Variants in SENP7 observed in about 807,000 individuals in gnomAD.
SENP7 encodes the protein SUMO specific peptidase 7, also known as sentrin-specific protease 7.
Under a neutral mutation model 141.2 loss-of-function variants are expected in SENP7, and 64 were observed. The observed-to-expected ratio is 0.45, with a 90% CI of 0.37 to 0.56. The LOEUF is 0.56. Ranked by LOEUF, SENP7 falls within the 20% of genes least tolerant of loss-of-function variation. SENP7 has a pLI of 0.00. For synonymous variants in SENP7, 382 were observed against 426.4 expected, an observed-to-expected ratio of 0.90 and a Z score of 1.28; for missense variants, 1,025 against 1,212.2, an observed-to-expected ratio of 0.85 and a Z score of 2.29.
chr3:101,385,273 A>G (rs149310090), intron 6 of SENP7, among the ~76,000 whole-genome samples: 6 of 152,270 alleles, frequency 3.9e-5, no homozygotes, highest in Non-Finnish European at 7.4e-5. Flanking sequence ...AATGAAGTGA[A>G]CACACCCCAC....
chr3:101,417,371 G>A (rs565806408), intron 5 of SENP7, among the ~76,000 whole-genome samples: 10 of 152,020 alleles, frequency 6.6e-5, no homozygotes, highest in African/African-American at 1.4e-4. Flanking sequence ...AATGATACTC[G>A]TTTTTAAATA....
At chr3:101,466,643 T>C (rs1211073411) in intron 3 of SENP7, among the ~76,000 whole-genome samples, 1 of 152,098 alleles carries the variant, frequency 6.6e-6, no homozygotes, top group Non-Finnish European at 1.5e-5. Flanking sequence ...AACTCAATAG[T>C]AGAGCAGACA....
Position 101,339,758 on chromosome 3 carries a change from C to G in SENP7, c.2357+337G>C, listed in dbSNP as rs535523952. ...AGATACAACAGATATCTCAATAGAG[C>G]TGCTGTTTTTTAGTTCCCAAAATGA... On this transcript the variant is annotated intron_variant, in intron 16 of 23. Coordinates refer to ENST00000394095, the MANE Select transcript of SENP7 (RefSeq NM_020654.5). 2.6e-5 allele frequency among the ~76,000 whole-genome samples: 4 copies of G among 152,050 alleles called. No homozygotes were observed. The East Asian group carries it at 7.7e-4, about 29-fold the overall frequency.
At chr3:101,371,976 C>A in intron 7 of SENP7, 32 bp downstream of exon 7, 1 of 990,156 alleles carries the variant, frequency 1.0e-6, no homozygotes, top group Non-Finnish European at 1.4e-6. Context: ...AGAAAAAATT[C>A]AAATTCCAAC....
rs756157638 is a variant in SENP7 at position 101,326,032 on chromosome 3, G to A, written c.3064C>T (p.Pro1022Ser). ...ELPIHLEKWF[P>S]RHVIKTKRED... The stretch of plus-strand genomic sequence containing the variant: ...CGTTTGGTCTTTATTACATGACGAG[G>A]AAACCACTTCTCCAAATGAATTGGA... The change falls in exon 24 of 24, where the codon CCT becomes TCT. Residue 1022 changes from proline to serine, a missense_variant. This residue lies in a region of SENP7 where 295 missense variants were observed against 459.1 expected (regional missense o/e 0.64). Coordinates refer to ENST00000394095, the MANE Select transcript of SENP7 (RefSeq NM_020654.5). 15 of 1,609,862 alleles carry A rather than the reference G, an allele frequency of 9.3e-6. No individual in the cohort carries two copies. In the South Asian group the frequency reaches 1.4e-4, roughly 15 times the overall value.
intron 6 of SENP7, among the ~76,000 whole-genome samples, chr3:101,388,288 C>T (rs954832461): frequency 6.6e-6 from 1 of 152,124 alleles, no homozygotes; most frequent in South Asian, 2.1e-4. Flanking sequence ...TATCTAAGGG[C>T]CAGCTTGCTT....
chr3:101,358,028 G>C (rs1194118940), intron 11 of SENP7: 2 of 591,876 alleles, frequency 3.4e-6, no homozygotes, highest in African/African-American at 3.8e-5. Flanking sequence ...TGTTAAATGT[G>C]GCAAAGCCTT....
In SENP7 at chr3:101,482,184, G is replaced by A. The variant is rs142526808; in HGVS notation, c.186+11689C>T. On this transcript the variant is annotated intron_variant, in intron 3 of 23. Coordinates refer to ENST00000394095, the MANE Select transcript of SENP7 (RefSeq NM_020654.5). ...AAAAATTAGCCAGGTGTGGTGGCGG[G>A]CACCTGTAGTCCCAACTACTCGGGA... 2.6e-3 allele frequency among the ~76,000 whole-genome samples: 402 copies of A among 151,980 alleles called. 2 individuals are homozygous for A. The highest frequency in any genetic ancestry group is 9.5e-3 in the African/African-American group (394 of 41,452).
At chr3:101,427,067 T>G (rs1473708530) in intron 4 of SENP7, among the ~76,000 whole-genome samples, 1 of 152,214 alleles carries the variant, frequency 6.6e-6, no homozygotes, top group Non-Finnish European at 1.5e-5. Flanking sequence ...ATATCCTTTA[T>G]GAACATCAAT....
intron 5 of SENP7, among the ~76,000 whole-genome samples, chr3:101,407,799 A>G (rs1056223849): frequency 3.9e-5 from 6 of 152,186 alleles, no homozygotes; most frequent in African/African-American, 1.2e-4. Flanking sequence ...TGCTAAGAGG[A>G]AAGTTCATAG....
intron 1 of SENP7, among the ~76,000 whole-genome samples, chr3:101,502,448 A>G (rs2065422827): frequency 1.3e-5 from 2 of 152,094 alleles, no homozygotes; most frequent in Non-Finnish European, 2.9e-5. Flanking sequence ...GATTACAGGT[A>G]TGCGCCACCA....
chr3:101,418,495 CCAAGTGCATTTAAAA>C (rs1388813250), intron 4 of SENP7, among the ~76,000 whole-genome samples: 24 of 152,080 alleles, frequency 1.6e-4, no homozygotes, highest in Non-Finnish European at 3.5e-4. Flanking sequence ...GAACAGGCTA[CCAAGTGCATTTAAAA>C]CAATGTCAAG....
In SENP7 at chr3:101,371,110, C is replaced by T. The variant is rs1262393902; in HGVS notation, c.796+898G>A. Among the ~76,000 whole-genome samples, 27 of 152,000 alleles carry T rather than the reference C, an allele frequency of 1.8e-4. 2 individuals are homozygous for T. The highest frequency in any genetic ancestry group is 1.8e-3 in the Admixed American group (27 of 15,256). On this transcript the variant is annotated intron_variant, in intron 7 of 23. Coordinates refer to ENST00000394095, the MANE Select transcript of SENP7 (RefSeq NM_020654.5). ...TTTGAGACCAGCCTGGGCAACACGG[C>T]AAGACCTTGTCTCTGCAAAATACAA...
In SENP7 at chr3:101,487,736, G is replaced by A. The variant is rs540428038; in HGVS notation, c.186+6137C>T. Among the ~76,000 whole-genome samples the A allele has an allele frequency of 2.2e-3, 329 of 152,252 alleles. 2 individuals carry two copies. The highest frequency in any genetic ancestry group is 7.3e-3 in the African/African-American group (304 of 41,566). ...ATAGGGAATCCTTTCCCCATTATTT[G>A]TTTTTGTCAGCCTTTCAAAGATCAG... On this transcript the variant is annotated intron_variant, in intron 3 of 23. Transcript: ENST00000394095.
At chr3:101,409,987 A>G (rs2061409205) in intron 5 of SENP7, among the ~76,000 whole-genome samples, 1 of 152,150 alleles carries the variant, frequency 6.6e-6, no homozygotes, top group Admixed American at 6.5e-5. Context: ...CAGTCAGCAG[A>G]GTAAACGGAT....
intron 3 of SENP7, among the ~76,000 whole-genome samples, chr3:101,461,920 T>C (rs2063559796): frequency 6.6e-6 from 1 of 152,204 alleles, no homozygotes; most frequent in Non-Finnish European, 1.5e-5. Context: ...AAAGATCATA[T>C]ATTGAGTGAT....
intron 3 of SENP7, among the ~76,000 whole-genome samples, chr3:101,488,154 C>A (rs994959449): frequency 5.3e-5 from 8 of 151,972 alleles, no homozygotes; most frequent in Non-Finnish European, 7.4e-5. Flanking sequence ...TCTTGTGGTT[C>A]TTCTTGTAGA....
intron 6 of SENP7, among the ~76,000 whole-genome samples, chr3:101,392,520 C>T (rs2060844456): frequency 6.6e-6 from 1 of 152,036 alleles, no homozygotes; most frequent in Admixed American, 6.5e-5. Context: ...AATTACAAAA[C>T]ACCAATGAAA....
chr3:101,352,194 C>T (rs567407834), intron 11 of SENP7, among the ~76,000 whole-genome samples: 2 of 152,078 alleles, frequency 1.3e-5, no homozygotes, highest in South Asian at 4.1e-4. Flanking sequence ...TGTTTCTGTA[C>T]AAAAACTACC....
Sources: gnomAD v4.1 joint callset for allele counts (sites outside exome capture counted in the v4.1 genomes callset) on GRCh38, gnomAD v4.1.1 for gene constraint, gnomAD v4.1.1 regional missense constraint, MANE v1.5 for transcripts, NCBI Gene and HGNC (gene_info 2026-07-23, HGNC 2026-07-21) for gene names.